The following HERC4 variants were observed in gnomAD, a reference collection of about 807,000 sequenced individuals.
HERC4 encodes HECT and RLD domain containing E3 ubiquitin protein ligase 4.
In HERC4, 28 loss-of-function variants were observed where a neutral mutation model predicts 124.3. The observed-to-expected ratio is 0.23, with a 90% CI of 0.17 to 0.31. The LOEUF (loss-of-function observed/expected upper bound fraction) is 0.31, where lower values mean the gene tolerates loss of function less well. HERC4 is among the 10% of genes least tolerant of loss of function. The pLI, the probability that HERC4 is intolerant of heterozygous loss-of-function variation, is 1.00. For synonymous variants in HERC4, 407 were observed against 421.5 expected (o/e 0.97, Z 0.42); for missense variants, 713 against 1,229.3 (o/e 0.58, Z 6.28).
intron 15 of HERC4, among the ~76,000 whole-genome samples, chr10:67,974,854 G>A (rs1303619858): frequency 1.3e-5 from 2 of 152,070 alleles, no homozygotes; most frequent in African/African-American, 2.4e-5. Flanking sequence ...TATCGAGAAG[G>A]GAAGCTAAAA....
At position 68,069,913 on chromosome 10, in the gene HERC4, G is replaced by A. The variant is rs370551494; in HGVS notation, c.226+2970C>T. Reference sequence around the variant, plus strand: ...AAAAATTACCCGGGCATGGTGGCACGCCCCTATAGTCCCACCTACTCGGGA... The same window carrying A: ...AAAAATTACCCGGGCATGGTGGCACACCCCTATAGTCCCACCTACTCGGGA... On this transcript the variant is annotated intron_variant, in intron 3 of 24. Coordinates refer to ENST00000373700, the MANE Select transcript of HERC4 (RefSeq NM_015601.4). The A allele has an allele frequency of 1.3e-3, 491 of 376,504 alleles. 1 individual carries two copies. Among genetic ancestry groups the A allele is most frequent in the South Asian group, 4.3e-3 (39 of 9,160 alleles). The allele number at this position is 376,504 out of a possible 1,614,324, so 23.3% of individuals were successfully genotyped here. A position where few individuals can be genotyped will look rare whatever the true frequency, so the allele number is the denominator to read the frequency against.
chr10:67,931,961 T>C (rs2031859842), intron 23 of HERC4, among the ~76,000 whole-genome samples: 1 of 152,142 alleles, frequency 6.6e-6, no homozygotes, highest in Admixed American at 6.5e-5. Context: ...TTTTATTTAC[T>C]TATTTTTTGT....
chr10:67,932,140 TAG>T (rs2031882518), intron 23 of HERC4, among the ~76,000 whole-genome samples: 1 of 151,848 alleles, frequency 6.6e-6, no homozygotes. Flanking sequence ...GTATTTTTAG[TAG>T]AGACAGGTTT....
intron 19 of HERC4, among the ~76,000 whole-genome samples, chr10:67,953,344 G>A (rs1222145770): frequency 6.6e-6 from 1 of 151,890 alleles, no homozygotes; most frequent in Non-Finnish European, 1.5e-5. Context: ...TCTATATTAG[G>A]GTATACTCTT....
chr10:68,012,395 T>C (rs998628476), intron 9 of HERC4, among the ~76,000 whole-genome samples: 9 of 152,130 alleles, frequency 5.9e-5, no homozygotes, highest in African/African-American at 1.9e-4. Context: ...AAGTGAGAAA[T>C]GTGATTTAAA....
intron 3 of HERC4, chr10:68,068,379 C>T (rs941566558): frequency 2.1e-4 from 32 of 150,114 alleles, no homozygotes; most frequent in Non-Finnish European, 3.8e-4. Context: ...CCCAGCTACT[C>T]GGGAGGCTGA....
rs763534504 is a variant in HERC4 at position 67,923,037 on chromosome 10, T to C, written c.3044A>G (p.His1015Arg). ...GGGEEYLPVS[H>R]TCFNLLDLPK... is the part of the protein sequence containing the mutation. The stretch of plus-strand genomic sequence containing the variant: ...AAGATCCAGAAGATTAAAACAAGTA[T>C]GGGAAACTGGGAGATACTCCTCACC... The change falls in exon 25 of 25, where the codon CAT (histidine) becomes CGT (arginine). Residue 1015 changes from histidine (H) to arginine (R), a missense_variant. Coordinates refer to ENST00000373700, the MANE Select transcript of HERC4 (RefSeq NM_015601.4). 6.2e-7 allele frequency: 1 copy of C among 1,613,630 alleles called. No homozygotes were observed. Among genetic ancestry groups the C allele is most frequent in the Non-Finnish European group, 8.5e-7 (1 of 1,179,566 alleles).
rs547955814 is a variant in HERC4, at chr10:68,010,282, T to G, written c.1069+3744A>C. On this transcript the variant is annotated intron_variant, in intron 9 of 24. Transcript: ENST00000373700. ...CACTAAGGAACACAGTGCAGTGCAGTGCAATGAGGGCTCCCATAGCCTGGG... is the reference window on the plus strand; with the variant it reads ...CACTAAGGAACACAGTGCAGTGCAGGGCAATGAGGGCTCCCATAGCCTGGG... 25 of 987,694 alleles carry G rather than the reference T, an allele frequency of 2.5e-5. No homozygotes were observed. In the South Asian group the frequency reaches 3.4e-4, roughly 13 times the overall value. 61.2% of individuals were successfully genotyped at this position (987,694 alleles called of 1,614,324 possible). A position where few individuals can be genotyped will look rare whatever the true frequency, so the allele number is the denominator to read the frequency against.
At position 68,033,954 on chromosome 10, in the gene HERC4, TGA is replaced by T; in HGVS notation, c.685+9_685+10del. 6.2e-7 allele frequency: 1 copy of T among 1,609,220 alleles called. No homozygotes were observed. Among genetic ancestry groups the T allele is most frequent in the African/African-American group, 1.3e-5 (1 of 74,916 alleles). ...AAAAGTACACTTAAACTATACATAA[TGA>T]GAACCTACCATTTTCATCATTAAGA... On this transcript the variant is annotated intron_variant, in intron 6 of 24. Coordinates refer to ENST00000373700, the MANE Select transcript of HERC4 (RefSeq NM_015601.4).
intron 3 of HERC4, among the ~76,000 whole-genome samples, chr10:68,067,530 A>G (rs1454755919): frequency 6.6e-6 from 1 of 152,208 alleles, no homozygotes; most frequent in Non-Finnish European, 1.5e-5. Context: ...ACCCACCCTT[A>G]AGTGAGTAAC....
In HERC4 at chr10:67,932,583, T is replaced by C. The variant is rs988349403; in HGVS notation, c.2838+14A>G. ...CTTTCCATTTAACAATATCAGAGAT[T>C]AGTTTTCCCCTACCTTTTCCAGTTC... On this transcript the variant is annotated intron_variant, in intron 23 of 24. Coordinates refer to ENST00000373700, the MANE Select transcript of HERC4 (RefSeq NM_015601.4). The C allele has an allele frequency of 2.6e-5, 41 of 1,590,452 alleles. No individual in the cohort carries two copies. Among genetic ancestry groups the C allele is most frequent in the Admixed American group, 3.7e-5 (2 of 54,348 alleles).
intron 15 of HERC4, among the ~76,000 whole-genome samples, chr10:67,977,100 C>A (rs567322768): frequency 6.6e-6 from 1 of 152,324 alleles, no homozygotes; most frequent in East Asian, 1.9e-4. Flanking sequence ...GGCACTACCC[C>A]TCCTTTAACC....
intron 15 of HERC4, among the ~76,000 whole-genome samples, chr10:67,987,301 G>A (rs757308081): frequency 3.3e-5 from 5 of 151,986 alleles, no homozygotes; most frequent in Admixed American, 6.6e-5. Flanking sequence ...CCATTTTCTC[G>A]AGGTAAAAGA....
At chr10:67,931,461 G>C (rs1354378377) in intron 23 of HERC4, among the ~76,000 whole-genome samples, 1 of 152,048 alleles carries the variant, frequency 6.6e-6, no homozygotes, top group Non-Finnish European at 1.5e-5. Flanking sequence ...TTTGGCTAGG[G>C]CTTTTTTTTG....
At chr10:68,013,197 T>C (rs1026806840) in intron 9 of HERC4, among the ~76,000 whole-genome samples, 8 of 152,222 alleles carry the variant, frequency 5.3e-5, no homozygotes, top group African/African-American at 1.9e-4. Context: ...ATATACACAG[T>C]CTTTTAAGAC....
intron 15 of HERC4, among the ~76,000 whole-genome samples, chr10:67,983,786 C>CACAAAAAAAAAA (rs1198366025): frequency 2.0e-5 from 2 of 100,158 alleles, no homozygotes; most frequent in Non-Finnish European, 1.9e-5. Flanking sequence ...GACTCTGTCT[C>CACAAAAAAAAAA]AAAAAAAAAA....
chr10:67,997,818 G>A (rs1272560469), intron 9 of HERC4, among the ~76,000 whole-genome samples: 2 of 152,152 alleles, frequency 1.3e-5, no homozygotes, highest in African/African-American at 4.8e-5. Context: ...CTTGTACGAG[G>A]TGGAAGAAAC....
At chr10:67,963,309 C>T (rs889615046) in intron 16 of HERC4, among the ~76,000 whole-genome samples, 21 of 152,206 alleles carry the variant, frequency 1.4e-4, no homozygotes, top group African/African-American at 4.6e-4. Flanking sequence ...CTCCACCTCC[C>T]GGGTTCAAGC....
intron 8 of HERC4, among the ~76,000 whole-genome samples, chr10:68,018,348 A>C (rs1391189898): frequency 2.0e-5 from 3 of 152,164 alleles, no homozygotes; most frequent in African/African-American, 4.8e-5. Context: ...AATAAAAAAA[A>C]CTAGGAATTA....
Sources: allele counts gnomAD v4.1 joint callset (sites outside exome capture counted in the v4.1 genomes callset), GRCh38; gene constraint gnomAD v4.1.1; transcripts MANE v1.5; gene names NCBI Gene and HGNC (gene_info 2026-07-23, HGNC 2026-07-21).